Variants in MYO5A observed in about 807,000 individuals in gnomAD.
The protein encoded by MYO5A is unconventional myosin-Va.
A neutral mutation model predicts 249.7 loss-of-function variants in MYO5A; 98 were observed. The ratio of observed to expected loss-of-function variants is 0.39; its 90% CI spans 0.33 to 0.46. The LOEUF is 0.46. Among genes scored for constraint, MYO5A ranks in the 20% least tolerant of loss-of-function variants. MYO5A has a pLI of 0.98. For missense variants in MYO5A, 1,696 were observed against 2,308.8 expected (o/e 0.73, Z 5.44); for synonymous variants, 778 against 810.6 (o/e 0.96, Z 0.68).
At position 52,372,279 on chromosome 15, in the gene MYO5A, C is replaced by T. The variant is rs758020472; in HGVS notation, c.2662G>A (p.Ala888Thr). Residue 888 changes from alanine (A) to threonine (T), a missense_variant, in exon 21 of 42, where the codon GCC becomes ACC. Transcript: ENST00000399233. ...AAGCAGCACTGAAGGTAGATGATGG[C>T]ATGCATGCTCCTCTTGTAGTGTGTG... Reference protein sequence around the residue: ...ARTHYKRSMHAIIYLQCCFRR... With the variant: ...ARTHYKRSMHTIIYLQCCFRR... 1 of 1,611,284 alleles carries T rather than the reference C, an allele frequency of 6.2e-7. No individual in the cohort carries two copies. The highest frequency in any genetic ancestry group is 8.5e-7 in the Non-Finnish European group (1 of 1,180,022).
chr15:52,388,729 G>A (rs1399562203), intron 13 of MYO5A, among the ~76,000 whole-genome samples: 1 of 152,166 alleles, frequency 6.6e-6, no homozygotes, highest in East Asian at 1.9e-4. Context: ...ATTGCAGAGG[G>A]TGACACAAGT....
At position 52,311,828 on chromosome 15, in the gene MYO5A, G is replaced by C. The variant is rs994410167; in HGVS notation, c.*1868C>G. The C allele has an allele frequency of 1.3e-5, 2 of 152,532 alleles. No homozygotes were observed. The highest frequency in any genetic ancestry group is 2.9e-5 in the Non-Finnish European group (2 of 68,022). 9.4% of individuals were successfully genotyped at this position (152,532 alleles called of 1,614,324 possible). A position where few individuals can be genotyped will look rare whatever the true frequency, so the allele number is the denominator to read the frequency against. On this transcript the variant is annotated 3_prime_UTR_variant, in exon 42 of 42. Coordinates refer to ENST00000399233, the MANE Select transcript of MYO5A (RefSeq NM_001382347.1). ...TCCAACTCTCTTATTTTATAAACGA[G>C]GAACTTGAGGCCCATGTAAATTAAC... is the stretch of plus-strand genomic sequence containing the variant.
At chr15:52,488,661 T>TA (rs1225749558) in intron 1 of MYO5A, among the ~76,000 whole-genome samples, 1 of 152,186 alleles carries the variant, frequency 6.6e-6, no homozygotes, top group African/African-American at 2.4e-5. Context: ...TGATTTGCCT[T>TA]AAAATCTTTC....
intron 1 of MYO5A, among the ~76,000 whole-genome samples, chr15:52,457,563 A>G (rs573630065): frequency 1.3e-5 from 2 of 152,330 alleles, no homozygotes; most frequent in East Asian, 3.9e-4. Context: ...AATGAGATAT[A>G]ATCTCACTCC....
At chr15:52,391,091 G>C (rs555309628) in intron 12 of MYO5A, among the ~76,000 whole-genome samples, 173 of 152,188 alleles carry the variant, frequency 1.1e-3, no homozygotes, top group African/African-American at 4.0e-3. Context: ...TTCCATTCCT[G>C]GGTCAAGGGT....
chr15:52,498,787 T>G (rs1208735054), intron 1 of MYO5A, among the ~76,000 whole-genome samples: 3 of 152,232 alleles, frequency 2.0e-5, no homozygotes, highest in Non-Finnish European at 4.4e-5. Flanking sequence ...AAACTGTATA[T>G]TCTTGTCAAT....
chr15:52,509,291 T>C (rs1272784943), intron 1 of MYO5A, among the ~76,000 whole-genome samples: 1 of 152,160 alleles, frequency 6.6e-6, no homozygotes, highest in African/African-American at 2.4e-5. Context: ...TCTTTTTTAG[T>C]TTACTCAAAG....
intron 12 of MYO5A, among the ~76,000 whole-genome samples, chr15:52,391,024 A>G (rs982311482): frequency 1.3e-5 from 2 of 152,052 alleles, no homozygotes; most frequent in African/African-American, 4.8e-5. Context: ...TTTTCTTCTT[A>G]TATGTATATA....
In MYO5A at chr15:52,351,446, C is replaced by T. The variant is rs751520122; in HGVS notation, c.3657G>A (p.Lys1219=). ...CCTTGCGCAACTCATTTAGCTCATTCTTCAGTTTTTTGTTTTCTGATTCTA... is the reference window on the plus strand; with the variant it reads ...CCTTGCGCAACTCATTTAGCTCATTTTTCAGTTTTTTGTTTTCTGATTCTA... ...QELESENKKL[K]NELNELRKAL... is the part of the protein sequence containing the mutation. The change falls in exon 28 of 42, where the codon AAG becomes AAA. Residue 1219 remains lysine (K), a synonymous_variant. Coordinates refer to ENST00000399233, the MANE Select transcript of MYO5A (RefSeq NM_001382347.1). 2 of 1,614,184 alleles carry T rather than the reference C, an allele frequency of 1.2e-6. No homozygotes were observed. Among genetic ancestry groups the T allele is most frequent in the Non-Finnish European group, 1.7e-6 (2 of 1,180,022 alleles).
intron 29 of MYO5A, among the ~76,000 whole-genome samples, chr15:52,348,281 T>C (rs930639085): frequency 5.6e-5 from 8 of 143,744 alleles, no homozygotes; most frequent in Admixed American, 5.1e-4. Flanking sequence ...ATTCCAGCAA[T>C]ATCTGTCACT....
chr15:52,448,428 T>A (rs1241469038), intron 1 of MYO5A, among the ~76,000 whole-genome samples: 3 of 152,236 alleles, frequency 2.0e-5, no homozygotes, highest in Non-Finnish European at 4.4e-5. Context: ...ACTAACTTGT[T>A]TTTTATTTTA....
upstream of MYO5A, chr15:52,528,935 A>G (rs1221035362): frequency 2.6e-6 from 2 of 781,312 alleles, no homozygotes; most frequent in East Asian, 7.2e-5. Context: ...CCGGGCGGGG[A>G]GGGCCGCGCG....
chr15:52,460,931 T>C (rs1405477466), intron 1 of MYO5A, among the ~76,000 whole-genome samples: 1 of 152,180 alleles, frequency 6.6e-6, no homozygotes, highest in Non-Finnish European at 1.5e-5. Context: ...GCTCACAATA[T>C]ATTTTTAAGT....
chr15:52,340,225 C>T lies in MYO5A; in HGVS notation c.4210G>A (p.Glu1404Lys). The T allele has an allele frequency of 6.2e-7, 1 of 1,614,086 alleles. No homozygotes were observed. The change falls in exon 32 of 42, where the codon GAG becomes AAG. Residue 1404 changes from glutamate (E) to lysine (K), a missense_variant. This residue lies in a region of MYO5A where 625 missense variants were observed against 908.1 expected (regional missense o/e 0.69). Transcript: ENST00000399233. Reference protein sequence around the residue: ...EARIEASLQHEITRLTNENLY... With the variant: ...EARIEASLQHKITRLTNENLY... The stretch of plus-strand genomic sequence containing the variant: ...TTTTCGTTGGTCAGCCGGGTGATCT[C>T]GTGCTGCAGGCTGGCCTCAATGCGG...
intron 18 of MYO5A, 90 bp from the exon 19 acceptor site, chr15:52,376,648 G>A: frequency 8.0e-7 from 1 of 1,244,042 alleles, no homozygotes; most frequent in Non-Finnish European, 1.1e-6. Context: ...ATCAGTAAAG[G>A]AATGACTCTA....
Position 52,526,518 on chromosome 15 carries a change from C to G in MYO5A, c.27+2262G>C, listed in dbSNP as rs556556343. On this transcript the variant is annotated intron_variant, in intron 1 of 41. Coordinates refer to ENST00000399233, the MANE Select transcript of MYO5A (RefSeq NM_001382347.1). ...CTGGGATTACAGGCATGCGCCACCACGCCCAGCTAATTTTCTATTTTTAGT... is the reference window on the plus strand; with the variant it reads ...CTGGGATTACAGGCATGCGCCACCAGGCCCAGCTAATTTTCTATTTTTAGT... 4.6e-5 allele frequency among the ~76,000 whole-genome samples: 7 copies of G among 152,248 alleles called. No homozygotes were observed. In the East Asian group the frequency reaches 1.4e-3, roughly 29 times the overall value.
chr15:52,404,337 T>C (rs943874758), intron 9 of MYO5A, among the ~76,000 whole-genome samples: 2 of 151,938 alleles, frequency 1.3e-5, no homozygotes, highest in African/African-American at 4.8e-5. Context: ...ATTTATTTTA[T>C]ATTATATCAT....
At chr15:52,474,318 A>G (rs889757665) in intron 1 of MYO5A, among the ~76,000 whole-genome samples, 2 of 152,224 alleles carry the variant, frequency 1.3e-5, no homozygotes. Flanking sequence ...TAAATATACA[A>G]TCATGTCATC....
chr15:52,438,056 CTT>C (rs2075703973), intron 1 of MYO5A: 1 of 985,168 alleles, frequency 1.0e-6, no homozygotes, highest in Non-Finnish European at 1.2e-6. Context: ...TCTTTTCCAT[CTT>C]AACCAATGAG....
Sources: gnomAD v4.1 joint callset for allele counts (sites outside exome capture counted in the v4.1 genomes callset) on GRCh38, gnomAD v4.1.1 for gene constraint, gnomAD v4.1.1 regional missense constraint, MANE v1.5 for transcripts, NCBI Gene and HGNC (gene_info 2026-07-23, HGNC 2026-07-21) for gene names.